TAF1: variants seen among roughly 807,000 people sequenced by gnomAD.
The protein encoded by TAF1 is transcription initiation factor TFIID subunit 1.
Under a neutral mutation model 138.5 loss-of-function variants are expected in TAF1, and 2 were observed. The observed-to-expected ratio is 0.01, with a 90% CI of 0.01 to 0.05. TAF1 has a LOEUF of 0.05. TAF1 is among the 10% of genes least tolerant of loss of function. TAF1 has a pLI of 1.00. For missense variants in TAF1, 709 were observed against 1,478.0 expected (o/e 0.48, Z 8.53); for synonymous variants, 437 against 503.2 (o/e 0.87, Z 1.76).
At chrX:71,417,226 A>G (rs2036061288) in intron 28 of TAF1, among the ~76,000 whole-genome samples, 1 of 109,682 alleles carries the variant, frequency 9.1e-6, no homozygotes, top group Non-Finnish European at 1.9e-5. Flanking sequence ...CTGAGCAAGC[A>G]TGCTCAGCCC....
chrX:71,429,805 T>C (rs951701899), intron 32 of TAF1, among the ~76,000 whole-genome samples: 11 of 109,962 alleles, frequency 1.0e-4, no homozygotes. Flanking sequence ...ACTTAGGAGG[T>C]AGAATTGATA....
chrX:71,523,055 G>A (rs2039932427), intron 13 of TAF1, among the ~76,000 whole-genome samples: 1 of 108,088 alleles, frequency 9.3e-6, no homozygotes, highest in East Asian at 2.9e-4. Flanking sequence ...GGTGATGTGC[G>A]CCTGTAGTCC....
intron 13 of TAF1, among the ~76,000 whole-genome samples, chrX:71,483,780 C>CACA (rs1556022685): frequency 3.2e-4 from 12 of 37,558 alleles, no homozygotes; most frequent in African/African-American, 1.4e-3. Flanking sequence ...CTCTCTCTCT[C>CACA]TATATATATA....
In TAF1 at chrX:71,413,128, T is replaced by C. The variant is rs1007252612; in HGVS notation, c.4384+4977T>C. ...AGATATTCCAAAATATTTCAGATTC[T>C]TAAAAAACCTGAAATCTGAAACACT... On this transcript the variant is annotated intron_variant, in intron 28 of 37. Transcript: ENST00000423759. Among the ~76,000 whole-genome samples, 4 of 111,802 alleles carry C rather than the reference T, an allele frequency of 3.6e-5. No individual in the cohort carries two copies. In the Admixed American group the frequency reaches 3.8e-4, roughly 11 times the overall value.
intron 13 of TAF1, among the ~76,000 whole-genome samples, chrX:71,523,096 C>T (rs2039933135): frequency 9.7e-6 from 1 of 103,342 alleles, no homozygotes; most frequent in Non-Finnish European, 1.9e-5. Context: ...GCAGGAGAAT[C>T]GCTTGAGCCC....
chrX:71,444,773 G>A (rs1324436060), intron 32 of TAF1, among the ~76,000 whole-genome samples: 5 of 109,919 alleles, frequency 4.5e-5, no homozygotes, highest in Non-Finnish European at 7.6e-5. Context: ...TTGAGACAAG[G>A]AGTCTCCGCT....
intron 13 of TAF1, among the ~76,000 whole-genome samples, chrX:71,496,734 T>C (rs960021547): frequency 9.0e-6 from 1 of 111,104 alleles, no homozygotes; most frequent in Non-Finnish European, 1.9e-5. Flanking sequence ...TCTTTCTCGC[T>C]CTCTTTCTCT....
intron 28 of TAF1, among the ~76,000 whole-genome samples, chrX:71,412,771 G>T (rs908786737): frequency 4.4e-5 from 5 of 112,400 alleles, no homozygotes; most frequent in Non-Finnish European, 9.4e-5. Context: ...TGTATTTTAA[G>T]TAGAGACGGT....
chrX:71,380,197 C>T (rs964335935), intron 8 of TAF1, among the ~76,000 whole-genome samples: 1 of 110,745 alleles, frequency 9.0e-6, no homozygotes, highest in Non-Finnish European at 1.9e-5. Context: ...TTTTCACTTA[C>T]TAAATATTTT....
intron 21 of TAF1, 85 bp downstream of exon 21, chrX:71,393,561 C>T (rs1301444122): frequency 2.8e-6 from 3 of 1,080,670 alleles, no homozygotes; most frequent in Admixed American, 7.2e-5. Flanking sequence ...AGGAGGTCAC[C>T]TAAAAGTTTG....
intron 13 of TAF1, among the ~76,000 whole-genome samples, chrX:71,523,001 G>T (rs781485580): frequency 9.2e-6 from 1 of 108,816 alleles, no homozygotes; most frequent in East Asian, 2.9e-4. Context: ...GGGCAACATA[G>T]CGAAACACTG....
At chrX:71,411,718 C>T (rs1391932747) in intron 28 of TAF1, among the ~76,000 whole-genome samples, 3 of 112,414 alleles carry the variant, frequency 2.7e-5, no homozygotes, top group Non-Finnish European at 1.9e-5. Context: ...ATATAATTCA[C>T]GTACCATGCA....
intron 28 of TAF1, chrX:71,420,614 A>G: frequency 1.7e-6 from 2 of 1,207,828 alleles, no homozygotes; most frequent in Non-Finnish European, 2.2e-6. Flanking sequence ...TTCTTCCTCC[A>G]TCTCCCTAAC....
At chrX:71,514,514 GC>G (rs1450267783) in intron 13 of TAF1, among the ~76,000 whole-genome samples, 2 of 107,096 alleles carry the variant, frequency 1.9e-5, no homozygotes, top group Non-Finnish European at 3.9e-5. Context: ...GCCTGAGGGA[GC>G]AGAAAGGAGA....
intron 34 of TAF1, among the ~76,000 whole-genome samples, chrX:71,455,584 A>G (rs2038242093): frequency 8.9e-6 from 1 of 111,880 alleles, no homozygotes; most frequent in Non-Finnish European, 1.9e-5. Flanking sequence ...GACATAAAGC[A>G]GGCCTGGGTT....
Position 71,465,601 on chromosome X carries a change from T to C in TAF1, c.*1555T>C, listed in dbSNP as rs761529826. 8.9e-6 allele frequency: 1 copy of C among 112,123 alleles called. No homozygotes were observed. Among genetic ancestry groups the C allele is most frequent in the Non-Finnish European group, 1.9e-5 (1 of 53,283 alleles). 9.2% of individuals were successfully genotyped at this position (112,123 alleles called of 1,213,427 possible). A position where few individuals can be genotyped will look rare whatever the true frequency, so the allele number is the denominator to read the frequency against. On this transcript the variant is annotated 3_prime_UTR_variant, in exon 38 of 38. Coordinates refer to ENST00000423759, the MANE Select transcript of TAF1 (RefSeq NM_004606.5). ...GAGACTGAAAGATGGGCAGGAAGTA[T>C]ATCATCACAAGCTTTGTGTTTGATG... is the stretch of plus-strand genomic sequence containing the variant.
intron 13 of TAF1, among the ~76,000 whole-genome samples, chrX:71,515,830 G>A (rs1569414932): frequency 2.7e-5 from 3 of 111,549 alleles, no homozygotes. Context: ...GGATTGTGCA[G>A]ATGTAATTAA....
At position 71,367,582 on chromosome X, in the gene TAF1, C is replaced by T. The variant is rs765120366; in HGVS notation, c.204C>T (p.Thr68=). Residue 68 remains threonine (T), a synonymous_variant, in exon 2 of 38, where the codon ACC becomes ACT. Coordinates refer to ENST00000423759, the MANE Select transcript of TAF1 (RefSeq NM_004606.5). ...ITELTANEEL[T]GTDGALVNDE... ...AACTCACGGCAAATGAAGAATTGAC[C>T]GGGACTGACGGTGCCTTGGTAAATG... 4 of 1,209,578 alleles carry T rather than the reference C, an allele frequency of 3.3e-6. No homozygotes were observed. The highest frequency in any genetic ancestry group is 5.9e-5 in the East Asian group (2 of 33,764).
In TAF1 at chrX:71,464,103, C is replaced by G; in HGVS notation, c.*57C>G. On this transcript the variant is annotated 3_prime_UTR_variant, in exon 38 of 38. Coordinates refer to ENST00000423759, the MANE Select transcript of TAF1 (RefSeq NM_004606.5). ...CCTGTTCTCCAGCCTAGGTGGTTCA[C>G]CTTTCCCCAATTTGTTCATATTTGT... The G allele has an allele frequency of 9.5e-7, 1 of 1,049,126 alleles. No individual in the cohort carries two copies. The highest frequency in any genetic ancestry group is 1.3e-6 in the Non-Finnish European group (1 of 769,845). 86.5% of individuals were successfully genotyped at this position (1,049,126 alleles called of 1,213,427 possible).
Sources: allele counts gnomAD v4.1 joint callset (sites outside exome capture counted in the v4.1 genomes callset), GRCh38; gene constraint gnomAD v4.1.1; transcripts MANE v1.5; gene names NCBI Gene and HGNC (gene_info 2026-07-23, HGNC 2026-07-21).